The following DTL variants were observed in gnomAD, a reference collection of about 807,000 sequenced individuals.
DTL encodes the protein denticleless protein homolog.
A neutral mutation model predicts 87.0 loss-of-function variants in DTL; 46 were observed. The observed-to-expected ratio is 0.53, with a 90% confidence interval of 0.42 to 0.68. DTL has a LOEUF of 0.68. DTL is among the 30% of genes least tolerant of loss of function. The pLI, the probability that DTL is intolerant of heterozygous loss-of-function variation, is 0.00. For missense variants in DTL, 737 were observed against 869.4 expected, an observed-to-expected ratio of 0.85 and a Z score of 1.91; for synonymous variants, 308 against 311.2, an observed-to-expected ratio of 0.99 and a Z score of 0.11.
intron 7 of DTL, among the ~76,000 whole-genome samples, chr1:212,066,189 A>ATATTTTTT (rs1654492949): frequency 6.6e-6 from 1 of 152,030 alleles, no homozygotes; most frequent in Non-Finnish European, 1.5e-5. Context: ...GTACAAGTTA[A>ATATTTTTT]TATTTTGGGG....
At chr1:212,096,420 G>A (rs1177808853) in intron 13 of DTL, among the ~76,000 whole-genome samples, 1 of 152,044 alleles carries the variant, frequency 6.6e-6, no homozygotes, top group Non-Finnish European at 1.5e-5. Flanking sequence ...CTGGGTTTGG[G>A]TTTGGTTTGT....
Position 212,050,800 on chromosome 1 carries a change from C to A in DTL, c.460+3383C>A, listed in dbSNP as rs148179966. On this transcript the variant is annotated intron_variant, in intron 5 of 14. Coordinates refer to ENST00000366991, the MANE Select transcript of DTL (RefSeq NM_016448.4). ...TGTTACTGTTTCATATTTTCCATCT[C>A]CTTTAATTTGGTTTAATCTATTTTC... is the stretch of plus-strand genomic sequence containing the variant. Among the ~76,000 whole-genome samples, 822 of 152,268 alleles carry A rather than the reference C, an allele frequency of 5.4e-3. 4 individuals carry two copies. Among genetic ancestry groups the A allele is most frequent in the African/African-American group, 0.019 (779 of 41,550 alleles).
intron 10 of DTL, 133 bp from the exon 11 acceptor site, chr1:212,071,968 A>T (rs769726256): frequency 1.1e-5 from 7 of 623,244 alleles, no homozygotes; most frequent in Non-Finnish European, 2.0e-5. Flanking sequence ...CTTGTATTTG[A>T]TGGATAAAGC....
chr1:212,092,561 A>T (rs1376754898), intron 13 of DTL, among the ~76,000 whole-genome samples: 1 of 152,104 alleles, frequency 6.6e-6, no homozygotes, highest in Non-Finnish European at 1.5e-5. Context: ...AATGGTCTCC[A>T]ACTCCATCCT....
intron 5 of DTL, among the ~76,000 whole-genome samples, chr1:212,051,351 G>A (rs1007674182): frequency 6.8e-6 from 1 of 146,718 alleles, no homozygotes; most frequent in Admixed American, 6.9e-5. Flanking sequence ...GTGTGAGTCT[G>A]ATGGTAATAA....
chr1:212,055,868 G>T (rs1668158317), intron 5 of DTL, among the ~76,000 whole-genome samples: 4 of 152,182 alleles, frequency 2.6e-5, no homozygotes, highest in Admixed American at 2.0e-4. Flanking sequence ...GAGGCCTGAG[G>T]ATTGCCCAGT....
chr1:212,084,977 C>T (rs1158892508), intron 13 of DTL, among the ~76,000 whole-genome samples: 2 of 152,152 alleles, frequency 1.3e-5, no homozygotes, highest in East Asian at 3.8e-4. Context: ...TTCCCATATA[C>T]TTTTATCATC....
chr1:212,099,034 AC>A (rs1267257808), intron 13 of DTL, among the ~76,000 whole-genome samples: 1 of 151,930 alleles, frequency 6.6e-6, no homozygotes, highest in East Asian at 1.9e-4. Context: ...CTCTCCAAAG[AC>A]CCCTGTGAGA....
At chr1:212,081,507 T>A (rs1197977394) in intron 13 of DTL, among the ~76,000 whole-genome samples, 1 of 152,244 alleles carries the variant, frequency 6.6e-6, no homozygotes, top group East Asian at 1.9e-4. Context: ...ATAATTTGAC[T>A]TTTAACTTGA....
In DTL at chr1:212,100,351, G is replaced by A. The variant is rs763281278; in HGVS notation, c.1361G>A (p.Cys454Tyr). ...SPSSAACAPS[C>Y]AGDLPLPSNT... ...TCATCCGCAGCTTGTGCCCCAAGCTGTGCTGGAGACCTCCCTCTTCCTTCA... is the reference window on the plus strand; with the variant it reads ...TCATCCGCAGCTTGTGCCCCAAGCTATGCTGGAGACCTCCCTCTTCCTTCA... Residue 454 changes from cysteine to tyrosine, a missense_variant, in exon 14 of 15, where the codon TGT becomes TAT. By Grantham distance (194) the Cys-to-Tyr change is radical. Coordinates refer to ENST00000366991, the MANE Select transcript of DTL (RefSeq NM_016448.4). 1 of 1,613,920 alleles carries A rather than the reference G, an allele frequency of 6.2e-7. No individual in the cohort carries two copies. The highest frequency in any genetic ancestry group is 8.5e-7 in the Non-Finnish European group (1 of 1,179,984).
rs975543825 is a variant in DTL, at chr1:212,037,569, A to G, written c.52+1627A>G. ...CTCTACCATAGGCTACTTGATATAA[A>G]TAAGAATTGTTTCAGTGGCATATTT... On this transcript the variant is annotated intron_variant, in intron 1 of 14. Transcript: ENST00000366991. 3.9e-5 allele frequency among the ~76,000 whole-genome samples: 6 copies of G among 152,384 alleles called. No homozygotes were observed. In the East Asian group the frequency reaches 1.2e-3, roughly 29 times the overall value.
At chr1:212,052,786 T>G (rs1351674257) in intron 5 of DTL, among the ~76,000 whole-genome samples, 1 of 152,040 alleles carries the variant, frequency 6.6e-6, no homozygotes, top group Non-Finnish European at 1.5e-5. Context: ...AATTATCCCA[T>G]GCATCCTTGA....
chr1:212,078,362 A>C, intron 12 of DTL, 100 bp downstream of exon 12: 1 of 778,490 alleles, frequency 1.3e-6, no homozygotes, highest in Non-Finnish European at 2.1e-6. Context: ...TTTATGTTTA[A>C]GTTGAGATTT....
intron 5 of DTL, among the ~76,000 whole-genome samples, chr1:212,048,864 C>T (rs574845002): frequency 4.0e-5 from 6 of 150,886 alleles, no homozygotes; most frequent in African/African-American, 9.7e-5. Flanking sequence ...ATTTATTCAC[C>T]TGAGCCATTT....
At chr1:212,075,419 A>C (rs1286296587) in intron 11 of DTL, among the ~76,000 whole-genome samples, 1 of 152,208 alleles carries the variant, frequency 6.6e-6, no homozygotes, top group Non-Finnish European at 1.5e-5. Context: ...TCTTAGACTT[A>C]ATAGTCGCCT....
intron 13 of DTL, among the ~76,000 whole-genome samples, chr1:212,093,957 T>G (rs1655368437): frequency 6.6e-6 from 1 of 152,118 alleles, no homozygotes; most frequent in Non-Finnish European, 1.5e-5. Flanking sequence ...TTCCCAGCAC[T>G]CCCGTATCAA....
chr1:212,056,277 C>A (rs2102541242), intron 5 of DTL, among the ~76,000 whole-genome samples: 1 of 152,338 alleles, frequency 6.6e-6, no homozygotes, highest in East Asian at 1.9e-4. Flanking sequence ...ACCACTGCTG[C>A]CACCACTGGG....
At position 212,100,784 on chromosome 1, in the gene DTL, T is replaced by G; in HGVS notation, c.1794T>G (p.Leu598=). The G allele has an allele frequency of 6.2e-7, 1 of 1,614,108 alleles. No homozygotes were observed. Among genetic ancestry groups the G allele is most frequent in the Non-Finnish European group, 8.5e-7 (1 of 1,180,012 alleles). ...GCCTTGCTGGTAACCAGGAAGACCTTAGTAAGGACTCTCTAGGTCCTACCA... is the reference window on the plus strand; with the variant it reads ...GCCTTGCTGGTAACCAGGAAGACCTGAGTAAGGACTCTCTAGGTCCTACCA... ...LCCLAGNQED[L]SKDSLGPTKS... Residue 598 remains leucine, a synonymous_variant, in exon 14 of 15, where the codon CTT becomes CTG. Transcript: ENST00000366991.
chr1:212,097,220 A>G (rs1052842769), intron 13 of DTL, among the ~76,000 whole-genome samples: 20 of 152,114 alleles, frequency 1.3e-4, no homozygotes, highest in Admixed American at 1.3e-3. Flanking sequence ...ATCTGCTGTT[A>G]ATCTGATAGG....
Sources: allele counts gnomAD v4.1 joint callset (sites outside exome capture counted in the v4.1 genomes callset), GRCh38; gene constraint gnomAD v4.1.1; transcripts MANE v1.5; gene names NCBI Gene and HGNC (gene_info 2026-07-23, HGNC 2026-07-21).